The following CYP39A1 variants were observed in gnomAD, a reference collection of about 807,000 sequenced individuals.
The protein encoded by CYP39A1 is 24-hydroxycholesterol 7-alpha-hydroxylase.
A neutral mutation model predicts 58.1 loss-of-function variants in CYP39A1; 49 were observed. That is an observed-to-expected ratio of 0.84 (90% CI 0.67 to 1.07). CYP39A1 has a LOEUF of 1.07. Among genes scored for constraint, CYP39A1 ranks in the 50% least tolerant of loss-of-function variants. The pLI is 0.00. For missense variants in CYP39A1, 531 were observed against 539.4 expected (o/e 0.98, Z 0.16); for synonymous variants, 209 against 187.6 (o/e 1.11, Z -0.93).
Position 46,562,639 on chromosome 6 carries a change from A to C in CYP39A1, c.1251-8785T>G, listed in dbSNP as rs1771044696. 2.0e-5 allele frequency among the ~76,000 whole-genome samples: 3 copies of C among 152,018 alleles called. No individual in the cohort carries two copies. In the South Asian group the frequency reaches 6.2e-4, roughly 31 times the overall value. ...AATAAAATAAACAAATAAATAAATA[A>C]ATTTTTAAAAGTTTGAAGCTGAAAA... is the stretch of plus-strand genomic sequence containing the variant. On this transcript the variant is annotated intron_variant, in intron 10 of 11. Transcript: ENST00000275016.
chr6:46,649,594 A>C (rs2150614581), intron 1 of CYP39A1, among the ~76,000 whole-genome samples: 1 of 152,366 alleles, frequency 6.6e-6, no homozygotes, highest in South Asian at 2.1e-4. Context: ...CTGACATAGG[A>C]ACAGTGTGAA....
intron 10 of CYP39A1, chr6:46,583,113 T>A (rs2150505160): frequency 1.0e-6 from 1 of 985,288 alleles, no homozygotes; most frequent in South Asian, 4.7e-5. Context: ...AAAGTAAAAA[T>A]CACACTTTCT....
At chr6:46,607,805 A>G (rs1773940886) in intron 7 of CYP39A1, among the ~76,000 whole-genome samples, 1 of 152,216 alleles carries the variant, frequency 6.6e-6, no homozygotes. Flanking sequence ...TCCAAGATTT[A>G]AAGAGTGCAA....
At chr6:46,567,459 T>C (rs1771355545) in intron 10 of CYP39A1, among the ~76,000 whole-genome samples, 1 of 152,142 alleles carries the variant, frequency 6.6e-6, no homozygotes. Flanking sequence ...TTTGAGATAC[T>C]GATTTTGTTT....
chr6:46,589,946 C>T (rs949453425), intron 8 of CYP39A1, among the ~76,000 whole-genome samples: 1 of 152,100 alleles, frequency 6.6e-6, no homozygotes, highest in Non-Finnish European at 1.5e-5. Flanking sequence ...GGGAGGAGAA[C>T]TTCATACAGG....
rs142749401 is a variant in CYP39A1 at position 46,584,463 on chromosome 6, C to A, written c.1250+2614G>T. ...CCTCAAAGCCTTCCTCTCACCTGAC[C>A]CCCGCTTCTAATCATCTTCCAAATC... is the stretch of plus-strand genomic sequence containing the variant. On this transcript the variant is annotated intron_variant, in intron 10 of 11. Transcript: ENST00000275016. 2.2e-3 allele frequency among the ~76,000 whole-genome samples: 332 copies of A among 152,214 alleles called. 2 individuals are homozygous for A. The highest frequency in any genetic ancestry group is 7.7e-3 in the African/African-American group (321 of 41,558).
intron 10 of CYP39A1, among the ~76,000 whole-genome samples, chr6:46,557,995 T>C (rs1770751562): frequency 8.8e-6 from 1 of 113,842 alleles, no homozygotes; most frequent in South Asian, 2.9e-4. Flanking sequence ...TGAATCATAA[T>C]CAAATTGCAA....
At chr6:46,647,918 G>A (rs370413510) in intron 1 of CYP39A1, among the ~76,000 whole-genome samples, 1 of 152,002 alleles carries the variant, frequency 6.6e-6, no homozygotes, top group African/African-American at 2.4e-5. Flanking sequence ...TTCCCATTCT[G>A]TATCACTGGC....
intron 6 of CYP39A1, among the ~76,000 whole-genome samples, chr6:46,627,831 G>A (rs561088299): frequency 6.6e-6 from 1 of 152,262 alleles, no homozygotes; most frequent in East Asian, 1.9e-4. Flanking sequence ...AAGTTTATAT[G>A]TATTACTACA....
At chr6:46,593,606 C>A (rs555311997) in intron 8 of CYP39A1, among the ~76,000 whole-genome samples, 42 of 152,198 alleles carry the variant, frequency 2.8e-4, no homozygotes, top group Admixed American at 9.2e-4. Flanking sequence ...GCAAAAGTTT[C>A]AACTTTTACA....
intron 8 of CYP39A1, among the ~76,000 whole-genome samples, chr6:46,595,345 C>T (rs1419584276): frequency 6.6e-6 from 1 of 151,880 alleles, no homozygotes; most frequent in East Asian, 1.9e-4. Flanking sequence ...ATGTTGAAGA[C>T]ATATCTGCAC....
At chr6:46,624,464 C>A (rs115038436) in intron 7 of CYP39A1, among the ~76,000 whole-genome samples, 8 of 152,236 alleles carry the variant, frequency 5.3e-5, no homozygotes, top group African/African-American at 1.7e-4. Context: ...TAAGGTCCAG[C>A]ATCTGCTGAC....
At chr6:46,553,681 C>T in intron 11 of CYP39A1, 86 bp downstream of exon 11, 1 of 853,674 alleles carries the variant, frequency 1.2e-6, no homozygotes, top group Non-Finnish European at 2.0e-6. Flanking sequence ...GTCAGCTCAT[C>T]TCTAGTAATC....
intron 8 of CYP39A1, among the ~76,000 whole-genome samples, chr6:46,593,114 T>A (rs1052302785): frequency 1.8e-4 from 27 of 152,142 alleles, no homozygotes; most frequent in African/African-American, 6.3e-4. Flanking sequence ...GTTAAAAAAA[T>A]TTTAATGACA....
chr6:46,616,590 T>C (rs1299101546), intron 7 of CYP39A1, among the ~76,000 whole-genome samples: 1 of 152,094 alleles, frequency 6.6e-6, no homozygotes, highest in Admixed American at 6.5e-5. Context: ...ACATTTATTG[T>C]TAATTGTCTG....
chr6:46,641,573 A>C (rs1049365857), intron 2 of CYP39A1, among the ~76,000 whole-genome samples: 3 of 152,194 alleles, frequency 2.0e-5, no homozygotes, highest in African/African-American at 7.2e-5. Flanking sequence ...CAGGGAGGAC[A>C]CATGGCCCCA....
chr6:46,616,971 A>C (rs1774648608), intron 7 of CYP39A1, among the ~76,000 whole-genome samples: 1 of 152,116 alleles, frequency 6.6e-6, no homozygotes, highest in African/African-American at 2.4e-5. Flanking sequence ...CAATGGAACA[A>C]AATCTTAGAG....
intron 10 of CYP39A1, chr6:46,583,271 T>C (rs1352923705): frequency 2.0e-6 from 2 of 985,222 alleles, no homozygotes; most frequent in African/African-American, 3.5e-5. Flanking sequence ...GTTTAAGCCA[T>C]ATCAATTTGC....
At chr6:46,645,994 T>C (rs1762299179) in intron 1 of CYP39A1, among the ~76,000 whole-genome samples, 1 of 152,140 alleles carries the variant, frequency 6.6e-6, no homozygotes, top group African/African-American at 2.4e-5. Context: ...TATGTATACC[T>C]TGCATTTATT....
Sources: allele counts gnomAD v4.1 joint callset (sites outside exome capture counted in the v4.1 genomes callset), GRCh38; gene constraint gnomAD v4.1.1; transcripts MANE v1.5; gene names NCBI Gene and HGNC (gene_info 2026-07-23, HGNC 2026-07-21).